ADGRB1: variants seen among roughly 807,000 people sequenced by gnomAD.
ADGRB1 encodes adhesion G protein-coupled receptor B1.
Under a neutral mutation model 175.7 loss-of-function variants are expected in ADGRB1, and 36 were observed. The observed-to-expected ratio is 0.20, with a 90% CI of 0.16 to 0.27. ADGRB1 has a LOEUF of 0.27. Among genes scored for constraint, ADGRB1 ranks in the 10% least tolerant of loss-of-function variants. ADGRB1 has a pLI of 1.00. For synonymous variants in ADGRB1, 1,054 were observed against 979.4 expected (o/e 1.08, Z -1.42); for missense variants, 1,731 against 2,255.3 (o/e 0.77, Z 4.71).
intron 24 of ADGRB1, among the ~76,000 whole-genome samples, chr8:142,528,259 T>C (rs1461340280): frequency 1.3e-5 from 2 of 152,332 alleles, no homozygotes; most frequent in Non-Finnish European, 2.9e-5. Context: ...TCTGGGAATT[T>C]TGCCGCTTTG....
intron 19 of ADGRB1, 71 bp from the exon 20 acceptor site, chr8:142,520,752 C>A: frequency 1.4e-6 from 2 of 1,379,368 alleles, no homozygotes; most frequent in Non-Finnish European, 2.1e-6. Flanking sequence ...GTCTTGGTGC[C>A]ACAGGACCAC....
At chr8:142,531,994 G>C (rs1051644448) in intron 24 of ADGRB1, among the ~76,000 whole-genome samples, 5 of 152,168 alleles carry the variant, frequency 3.3e-5, no homozygotes, top group Admixed American at 6.5e-5. Flanking sequence ...AGAGCGTGTG[G>C]TTTTGGAGGC....
intron 19 of ADGRB1, among the ~76,000 whole-genome samples, chr8:142,519,425 T>C (rs913520024): frequency 1.3e-5 from 2 of 152,176 alleles, no homozygotes; most frequent in African/African-American, 4.8e-5. Flanking sequence ...CCCTGTGCCC[T>C]CTGCTCTCCA....
chr8:142,501,871 GGGT>G (rs1224045235), intron 17 of ADGRB1, among the ~76,000 whole-genome samples: 1 of 32,590 alleles, frequency 3.1e-5, no homozygotes, highest in Non-Finnish European at 5.8e-5. Flanking sequence ...GATGGAGGTG[GGGT>G]GGTGGTGGTG....
intron 24 of ADGRB1, among the ~76,000 whole-genome samples, chr8:142,529,973 T>A (rs1223574854): frequency 6.6e-6 from 1 of 151,796 alleles, no homozygotes; most frequent in Non-Finnish European, 1.5e-5. Context: ...TGTGCATACG[T>A]GCAAACGTGC....
chr8:142,481,291 C>T lies in ADGRB1; in HGVS notation c.1866C>T (p.Gly622=), dbSNP rs1243180609. The change falls in exon 10 of 31, where the codon GGC becomes GGT. Residue 622 remains glycine, a synonymous_variant. Transcript: ENST00000517894. ...GACGGTGTGAGCTGGACGAGGAAGG[C>T]ATCGCCTACTGGGAGCCCCCCACCT... The part of the protein sequence containing the change: ...ILRRCELDEE[G]IAYWEPPTYI... 1 of 1,613,852 alleles carries T rather than the reference C, an allele frequency of 6.2e-7. No individual in the cohort carries two copies. The highest frequency in any genetic ancestry group is 1.1e-5 in the South Asian group (1 of 91,084).
At chr8:142,499,669 G>A (rs1157366222) in intron 17 of ADGRB1, among the ~76,000 whole-genome samples, 1 of 152,212 alleles carries the variant, frequency 6.6e-6, no homozygotes, top group Non-Finnish European at 1.5e-5. Context: ...GGCTGCTCAG[G>A]CCCTGGGCCT....
At chr8:142,479,645 C>CGGCT in intron 8 of ADGRB1, 48 bp from the exon 9 acceptor site, 1 of 1,579,364 alleles carries the variant, frequency 6.3e-7, no homozygotes, top group Non-Finnish European at 8.6e-7. Flanking sequence ...AGCCAGCTGC[C>CGGCT]GGCTCTCAGT....
At chr8:142,539,522 C>A in intron 27 of ADGRB1, 109 bp downstream of exon 27, 1 of 1,332,666 alleles carries the variant, frequency 7.5e-7, no homozygotes, top group South Asian at 1.3e-5. Context: ...TCCACTCCTG[C>A]TGCCCCCACC....
chr8:142,469,510 TGTGTATGCACGTGCATGTGTGAATGTGA>T (rs1207020121), intron 2 of ADGRB1, among the ~76,000 whole-genome samples: 2,745 of 147,818 alleles, frequency 0.019, 28 homozygotes, highest in Non-Finnish European at 0.028. Context: ...TGTGAATGTG[TGTGTATGCACGTGCATGTGTGAATGTGA>T]GTGTATGCAC....
intron 1 of ADGRB1, among the ~76,000 whole-genome samples, chr8:142,457,908 G>A (rs1044200215): frequency 8.5e-5 from 13 of 152,302 alleles, no homozygotes; most frequent in African/African-American, 2.4e-4. Flanking sequence ...GTACCAGGCC[G>A]CTTGAATGGG....
At position 142,537,778 on chromosome 8, in the gene ADGRB1, G is replaced by A. The variant is rs1234299791; in HGVS notation, c.3666+696G>A. Among the ~76,000 whole-genome samples, 1 of 152,162 alleles carries A rather than the reference G, an allele frequency of 6.6e-6. No homozygotes were observed. Among genetic ancestry groups the A allele is most frequent in the Non-Finnish European group, 1.5e-5 (1 of 68,008 alleles). On this transcript the variant is annotated intron_variant, in intron 26 of 30. Transcript: ENST00000517894. The surrounding 1 kb of genome is among the most constrained non-coding windows in gnomAD (Gnocchi z 4.6). Reference sequence around the variant, plus strand: ...TCCTGGGAGGGCGGCCCAAGTGGCGGTTCCTACGTAAGGGCCCCCAACAGC... The same window carrying A: ...TCCTGGGAGGGCGGCCCAAGTGGCGATTCCTACGTAAGGGCCCCCAACAGC...
chr8:142,515,323 C>A (rs576566581), intron 18 of ADGRB1, among the ~76,000 whole-genome samples: 2 of 152,224 alleles, frequency 1.3e-5, no homozygotes, highest in South Asian at 4.1e-4. Flanking sequence ...TCTTGGTCTA[C>A]CCCTCCTAGT....
intron 18 of ADGRB1, among the ~76,000 whole-genome samples, chr8:142,514,034 G>A (rs1335827189): frequency 6.6e-6 from 1 of 152,004 alleles, no homozygotes; most frequent in Non-Finnish European, 1.5e-5. Context: ...AGCCCAGCTG[G>A]CAGTTGGGGA....
At position 142,509,188 on chromosome 8, in the gene ADGRB1, G is replaced by A. The variant is rs1455380931; in HGVS notation, c.2676-1744G>A. Among the ~76,000 whole-genome samples the A allele has an allele frequency of 3.3e-5, 5 of 152,186 alleles. No homozygotes were observed. In the East Asian group the frequency reaches 7.7e-4, roughly 23 times the overall value. ...TGAGCAACATCCCCAATTCAATAGA[G>A]GCTGCTCTGGGCTATCAGACATGGG... On this transcript the variant is annotated intron_variant, in intron 17 of 30. Coordinates refer to ENST00000517894, the MANE Select transcript of ADGRB1 (RefSeq NM_001702.3).
intron 17 of ADGRB1, among the ~76,000 whole-genome samples, chr8:142,502,428 GGTGGTGGTA>G (rs540086355): frequency 0.044 from 1,800 of 41,264 alleles, 595 homozygotes; most frequent in Non-Finnish European, 0.06. Flanking sequence ...TGATGGTGGT[GGTGGTGGTA>G]GTGGTGGTGA....
chr8:142,505,284 T>TGCCGGGGGTGCAGG (rs1348195327), intron 17 of ADGRB1, among the ~76,000 whole-genome samples: 1 of 152,274 alleles, frequency 6.6e-6, no homozygotes, highest in East Asian at 1.9e-4. Context: ...TCTAGGCGCT[T>TGCCGGGGGTGCAGG]GCCGGGGGTG....
At chr8:142,533,213 A>C in intron 24 of ADGRB1, 82 bp from the exon 25 acceptor site, 1 of 1,362,204 alleles carries the variant, frequency 7.3e-7, no homozygotes, top group East Asian at 2.6e-5. Flanking sequence ...GTCCCCACCG[A>C]GGCCTGGAGA....
intron 24 of ADGRB1, among the ~76,000 whole-genome samples, chr8:142,528,018 C>T (rs539849669): frequency 4.3e-4 from 65 of 152,284 alleles, no homozygotes; most frequent in Middle Eastern, 6.8e-3. Context: ...AGCCCAGGAG[C>T]GCACCCAGAC....
Sources: gnomAD v4.1 joint callset for allele counts (sites outside exome capture counted in the v4.1 genomes callset) on GRCh38, gnomAD v4.1.1 for gene constraint, Gnocchi (gnomAD v3.1) non-coding constraint, MANE v1.5 for transcripts, NCBI Gene and HGNC (gene_info 2026-07-23, HGNC 2026-07-21) for gene names.